The following RHOQ variants were observed in gnomAD, a reference collection of about 807,000 sequenced individuals.
RHOQ encodes rho-related GTP-binding protein RhoQ.
Under a neutral mutation model 25.8 loss-of-function variants are expected in RHOQ, and 7 were observed. The ratio of observed to expected loss-of-function variants is 0.27; its 90% CI spans 0.15 to 0.51. RHOQ has a LOEUF of 0.51. Ranked by LOEUF, RHOQ falls within the 20% of genes least tolerant of loss-of-function variation. The probability of loss-of-function intolerance (pLI) is 0.97; values close to 1 mark genes in which losing one functional copy is unlikely to be tolerated. For synonymous variants in RHOQ, 97 were observed against 98.6 expected (o/e 0.98, Z 0.10); for missense variants, 165 against 260.6 (o/e 0.63, Z 2.53).
chr2:46,566,813 G>C lies in RHOQ; in HGVS notation c.202-9274G>C, dbSNP rs1410305744. ...GTCTGTCTCCTTAAGCGGTCCCTCA[G>C]GTCTCAGGTTGAACATCACCCCTGC... On this transcript the variant is annotated intron_variant, in intron 2 of 4. Coordinates refer to ENST00000238738, the MANE Select transcript of RHOQ (RefSeq NM_012249.4). The surrounding 1 kb of genome is among the most constrained non-coding windows in gnomAD (Gnocchi z 4.2). Among the ~76,000 whole-genome samples the C allele has an allele frequency of 6.6e-6, 1 of 152,180 alleles. No homozygotes were observed. The highest frequency in any genetic ancestry group is 1.5e-5 in the Non-Finnish European group (1 of 68,038).
In RHOQ at chr2:46,581,422, C is replaced by T. The variant is rs1438235512; in HGVS notation, c.*339C>T. ...GGAACTGCTTGGCTTTGACCATACA[C>T]ATTTCTGCCCAGCCCTTACAGAATC... On this transcript the variant is annotated 3_prime_UTR_variant, in exon 5 of 5. Coordinates refer to ENST00000238738, the MANE Select transcript of RHOQ (RefSeq NM_012249.4). The T allele has an allele frequency of 2.8e-5, 44 of 1,578,746 alleles. No individual in the cohort carries two copies. In the Admixed American group the frequency reaches 7.8e-4, roughly 28 times the overall value.
chr2:46,562,599 G>A (rs919572557), intron 2 of RHOQ, among the ~76,000 whole-genome samples: 1 of 152,100 alleles, frequency 6.6e-6, no homozygotes, highest in African/African-American at 2.4e-5. Flanking sequence ...GTGTAGACAT[G>A]TGTGCATTAT....
Position 46,556,969 on chromosome 2 carries a change from G to A in RHOQ, c.201+13157G>A, listed in dbSNP as rs961062221. ...GGTTGCCAAAGAGTTAATCTACCAT[G>A]TAGCCCCAGTGGAAAAATGGACAAG... On this transcript the variant is annotated intron_variant, in intron 2 of 4. Coordinates refer to ENST00000238738, the MANE Select transcript of RHOQ (RefSeq NM_012249.4). The surrounding 1 kb of genome is among the most constrained non-coding windows in gnomAD (Gnocchi z 4.9). Among the ~76,000 whole-genome samples the A allele has an allele frequency of 2.6e-5, 4 of 152,194 alleles. No individual in the cohort carries two copies. Among genetic ancestry groups the A allele is most frequent in the African/African-American group, 9.7e-5 (4 of 41,444 alleles).
At chr2:46,553,237 C>T (rs1668295600) in intron 2 of RHOQ, among the ~76,000 whole-genome samples, 1 of 152,152 alleles carries the variant, frequency 6.6e-6, no homozygotes. Context: ...ACCCCCTGCC[C>T]CCTCCCTCCC....
intron 4 of RHOQ, chr2:46,580,620 T>G (rs1328795364): frequency 1.5e-5 from 3 of 204,602 alleles, no homozygotes; most frequent in Non-Finnish European, 2.0e-5. Context: ...TGTCAGCACA[T>G]GTGGACGCCA....
In RHOQ at chr2:46,555,650, C is replaced by A. The variant is rs369628309; in HGVS notation, c.201+11838C>A. 5.3e-5 allele frequency among the ~76,000 whole-genome samples: 8 copies of A among 152,310 alleles called. No individual in the cohort carries two copies. Among genetic ancestry groups the A allele is most frequent in the African/African-American group, 1.9e-4 (8 of 41,564 alleles). ...CAGAGCTCATTAAGCAGACAGGCTG[C>A]CAGGTCTGTTTGGATGAAATACTGG... On this transcript the variant is annotated intron_variant, in intron 2 of 4. Coordinates refer to ENST00000238738, the MANE Select transcript of RHOQ (RefSeq NM_012249.4). This position sits in a 1 kb window ranked among gnomAD's most constrained non-coding sequence, Gnocchi z 4.3.
intron 2 of RHOQ, among the ~76,000 whole-genome samples, chr2:46,575,087 T>A (rs1669066769): frequency 6.6e-6 from 1 of 152,176 alleles, no homozygotes; most frequent in Non-Finnish European, 1.5e-5. Context: ...TTCACTGCCT[T>A]TTGTGATAGA....
At chr2:46,560,765 CT>C in intron 2 of RHOQ, 1 of 296,114 alleles carries the variant, frequency 3.4e-6, no homozygotes, top group Non-Finnish European at 7.1e-6. Context: ...TAGACCATGA[CT>C]TTTCAGTTAA....
chr2:46,567,018 A>G (rs1668756133), intron 2 of RHOQ, among the ~76,000 whole-genome samples: 1 of 152,184 alleles, frequency 6.6e-6, no homozygotes, highest in Non-Finnish European at 1.5e-5. Context: ...TCCCATTTTT[A>G]TAACAAATAC....
chr2:46,576,720 A>G lies in RHOQ; in HGVS notation c.462+64A>G. 9.0e-7 allele frequency: 1 copy of G among 1,114,908 alleles called. No individual in the cohort carries two copies. Among genetic ancestry groups the G allele is most frequent in the Non-Finnish European group, 1.3e-6 (1 of 749,900 alleles). 69.1% of individuals were successfully genotyped at this position (1,114,908 alleles called of 1,614,324 possible). A position where few individuals can be genotyped will look rare whatever the true frequency, so the allele number is the denominator to read the frequency against. ...AGATGCTAAGATAACAATAGAAGCTAATTTTATTGTGTATTTACTGTGTGC... is the reference window on the plus strand; with the variant it reads ...AGATGCTAAGATAACAATAGAAGCTGATTTTATTGTGTATTTACTGTGTGC... On this transcript the variant is annotated intron_variant, in intron 4 of 4. Coordinates refer to ENST00000238738, the MANE Select transcript of RHOQ (RefSeq NM_012249.4). The surrounding 1 kb of genome is among the most constrained non-coding windows in gnomAD (Gnocchi z 5.1).
intron 2 of RHOQ, among the ~76,000 whole-genome samples, chr2:46,558,839 A>C (rs1668482801): frequency 6.6e-6 from 1 of 152,052 alleles, no homozygotes; most frequent in Non-Finnish European, 1.5e-5. Flanking sequence ...AAACTTCCTC[A>C]AGTTTATCAT....
At position 46,566,427 on chromosome 2, in the gene RHOQ, A is replaced by G. The variant is rs964586757; in HGVS notation, c.202-9660A>G. Among the ~76,000 whole-genome samples the G allele has an allele frequency of 6.6e-6, 1 of 152,036 alleles. No homozygotes were observed. The highest frequency in any genetic ancestry group is 1.5e-5 in the Non-Finnish European group (1 of 68,016). Reference sequence around the variant, plus strand: ...TTTCTTCATCCCTCTAAAAGATGCCATATCATCTAGATATATCCAGAATAT... The same window carrying G: ...TTTCTTCATCCCTCTAAAAGATGCCGTATCATCTAGATATATCCAGAATAT... On this transcript the variant is annotated intron_variant, in intron 2 of 4. Transcript: ENST00000238738. This position sits in a 1 kb window ranked among gnomAD's most constrained non-coding sequence, Gnocchi z 4.2.
chr2:46,556,409 C>T lies in RHOQ; in HGVS notation c.201+12597C>T, dbSNP rs777170114. ...AGTTGTGCACTTGTGGTGCTGCCTTCGCCCCTGGCTCAGGTAGAGGCGAGG... is the reference window on the plus strand; with the variant it reads ...AGTTGTGCACTTGTGGTGCTGCCTTTGCCCCTGGCTCAGGTAGAGGCGAGG... On this transcript the variant is annotated intron_variant, in intron 2 of 4. Coordinates refer to ENST00000238738, the MANE Select transcript of RHOQ (RefSeq NM_012249.4). This position sits in a 1 kb window ranked among gnomAD's most constrained non-coding sequence, Gnocchi z 4.9. 6.6e-5 allele frequency among the ~76,000 whole-genome samples: 10 copies of T among 152,110 alleles called. No homozygotes were observed. Among genetic ancestry groups the T allele is most frequent in the Non-Finnish European group, 1.2e-4 (8 of 68,032 alleles).
At chr2:46,575,931 A>G (rs572248992) in intron 2 of RHOQ, among the ~76,000 whole-genome samples, 156 bp from the exon 3 acceptor site, 3 of 152,350 alleles carry the variant, frequency 2.0e-5, no homozygotes, top group Admixed American at 1.3e-4. Context: ...AAAGAAGAAT[A>G]ACAAAAACAG....
Position 46,555,386 on chromosome 2 carries a change from G to A in RHOQ, c.201+11574G>A, listed in dbSNP as rs1668382363. Among the ~76,000 whole-genome samples, 1 of 152,260 alleles carries A rather than the reference G, an allele frequency of 6.6e-6. No homozygotes were observed. Among genetic ancestry groups the A allele is most frequent in the Admixed American group, 6.5e-5 (1 of 15,290 alleles). ...GTAGCACATAGCACTTTGCACAAGT[G>A]TTGGGGGCCCCAGTAGGAACTAGGT... On this transcript the variant is annotated intron_variant, in intron 2 of 4. Coordinates refer to ENST00000238738, the MANE Select transcript of RHOQ (RefSeq NM_012249.4). This position sits in a 1 kb window ranked among gnomAD's most constrained non-coding sequence, Gnocchi z 4.3.
At position 46,581,920 on chromosome 2, in the gene RHOQ, G is replaced by T; in HGVS notation, c.*837G>T. On this transcript the variant is annotated 3_prime_UTR_variant, in exon 5 of 5. Transcript: ENST00000238738. ...CTCAATTTAGCTCTCTGAACTAGTT[G>T]GTAATTTTTTTTTTTTAATTCCCAC... The T allele has an allele frequency of 5.0e-6, 1 of 200,440 alleles. No homozygotes were observed. Among genetic ancestry groups the T allele is most frequent in the Non-Finnish European group, 1.0e-5 (1 of 97,896 alleles). 12.4% of individuals were successfully genotyped at this position (200,440 alleles called of 1,614,324 possible). A position where few individuals can be genotyped will look rare whatever the true frequency, so the allele number is the denominator to read the frequency against.
chr2:46,578,682 G>C (rs1051870393), intron 4 of RHOQ, among the ~76,000 whole-genome samples: 6 of 151,056 alleles, frequency 4.0e-5, no homozygotes, highest in African/African-American at 1.5e-4. Flanking sequence ...CTTGAGCCCA[G>C]GAGGTGGAGG....
At chr2:46,568,086 A>C (rs547213672) in intron 2 of RHOQ, among the ~76,000 whole-genome samples, 1 of 152,214 alleles carries the variant, frequency 6.6e-6, no homozygotes, top group East Asian at 1.9e-4. Context: ...AAAAGTTTAA[A>C]ATATGCACTA....
At chr2:46,571,497 A>G (rs1668913477) in intron 2 of RHOQ, among the ~76,000 whole-genome samples, 1 of 152,224 alleles carries the variant, frequency 6.6e-6, no homozygotes. Context: ...GTGTTTTACA[A>G]ATAGATGTTA....
Sources: allele counts gnomAD v4.1 joint callset (sites outside exome capture counted in the v4.1 genomes callset), GRCh38; gene constraint gnomAD v4.1.1; non-coding constraint Gnocchi (gnomAD v3.1); transcripts MANE v1.5; gene names NCBI Gene and HGNC (gene_info 2026-07-23, HGNC 2026-07-21).